The following IMMT variants were observed in gnomAD, a reference collection of about 807,000 sequenced individuals.
The protein encoded by IMMT is MICOS complex subunit MIC60.
In IMMT, 40 loss-of-function variants were observed where a neutral mutation model predicts 92.7. The observed-to-expected ratio is 0.43, with a 90% CI of 0.34 to 0.56. The LOEUF is 0.56. IMMT is among the 20% of genes least tolerant of loss of function. IMMT has a pLI of 0.03. For missense variants in IMMT, 831 were observed against 912.1 expected, an observed-to-expected ratio of 0.91 and a Z score of 1.14; for synonymous variants, 322 against 336.1, an observed-to-expected ratio of 0.96 and a Z score of 0.46.
At chr2:86,163,995 G>A (rs1435549063) in intron 7 of IMMT, among the ~76,000 whole-genome samples, 1 of 137,852 alleles carries the variant, frequency 7.3e-6, no homozygotes, top group Non-Finnish European at 1.6e-5. Context: ...ATTTTGCAAA[G>A]TATATCTTAT....
intron 12 of IMMT, among the ~76,000 whole-genome samples, chr2:86,148,388 C>T (rs1286457384): frequency 2.6e-5 from 4 of 151,792 alleles, no homozygotes; most frequent in African/African-American, 9.7e-5. Context: ...GCAGGTGGCT[C>T]ATGAGGTCAG....
rs765358502 is a variant in IMMT, at chr2:86,144,387, C to G, written c.2158G>C (p.Val720Leu). Residue 720 changes from valine to leucine, a missense_variant, in exon 15 of 15, where the codon GTG becomes CTG. Transcript: ENST00000410111. The stretch of plus-strand genomic sequence containing the variant: ...GCTTCCTTCAGCCAGTCCTGTGCCA[C>G]TCGTCTGGATTCCCCCTTCAGCTGA... ...VNQLKGESRR[V>L]AQDWLKEARM... 1 of 1,613,898 alleles carries G rather than the reference C, an allele frequency of 6.2e-7. No individual in the cohort carries two copies. The highest frequency in any genetic ancestry group is 8.5e-7 in the Non-Finnish European group (1 of 1,179,910).
intron 13 of IMMT, among the ~76,000 whole-genome samples, chr2:86,146,847 A>G (rs1573871924): frequency 6.6e-6 from 1 of 150,484 alleles, no homozygotes; most frequent in East Asian, 2.0e-4. Context: ...TGCAACCTCC[A>G]CCTCCCAGAT....
intron 3 of IMMT, among the ~76,000 whole-genome samples, chr2:86,177,248 CTT>C (rs5832672): frequency 0.032 from 4,684 of 147,232 alleles, 208 homozygotes; most frequent in African/African-American, 0.1. Flanking sequence ...CTTTTACAGA[CTT>C]TTTTTTTTTT....
chr2:86,165,952 A>G (rs1474576758), intron 7 of IMMT, among the ~76,000 whole-genome samples: 1 of 152,242 alleles, frequency 6.6e-6, no homozygotes, highest in Non-Finnish European at 1.5e-5. Context: ...CTTGCGCTGC[A>G]TCGGTGTTGT....
intron 4 of IMMT, chr2:86,171,553 G>A (rs570524523): frequency 1.2e-4 from 63 of 525,502 alleles, no homozygotes; most frequent in East Asian, 1.0e-3. Context: ...GGTTGGGAAC[G>A]AACAAAAGAA....
intron 11 of IMMT, among the ~76,000 whole-genome samples, chr2:86,152,203 G>C (rs1445294915): frequency 6.6e-6 from 1 of 152,056 alleles, no homozygotes; most frequent in African/African-American, 2.4e-5. Context: ...CACTTTGGGA[G>C]GCCAAGGCAG....
chr2:86,164,107 G>A (rs1676498277), intron 7 of IMMT, among the ~76,000 whole-genome samples: 1 of 127,082 alleles, frequency 7.9e-6, no homozygotes, highest in Non-Finnish European at 1.6e-5. Flanking sequence ...GCCCAGGCTG[G>A]AGTGCAATGG....
Position 86,194,757 on chromosome 2 carries a change from TC to T in IMMT, c.45+580del, listed in dbSNP as rs577157589. Reference sequence around the variant, plus strand: ...GCCACAAGGTCATGACTCCTGTCTTTCCTTGAAGACCAGGAGTTTCAGCTCC... The same window carrying T: ...GCCACAAGGTCATGACTCCTGTCTTTCTTGAAGACCAGGAGTTTCAGCTCC... On this transcript the variant is annotated intron_variant, in intron 1 of 14. Transcript: ENST00000410111. Among the ~76,000 whole-genome samples the T allele has an allele frequency of 1.2e-3, 181 of 152,326 alleles. 1 individual carries two copies. The highest frequency in any genetic ancestry group is 3.4e-3 in the Middle Eastern group (1 of 294).
chr2:86,168,540 T>C lies in IMMT; in HGVS notation c.656-1896A>G, dbSNP rs192638870. Among the ~76,000 whole-genome samples the C allele has an allele frequency of 1.3e-3, 203 of 152,252 alleles. 3 individuals are homozygous for C. The highest frequency in any genetic ancestry group is 5.1e-4 in the Non-Finnish European group (35 of 68,010). ...CAGGAGGCTGAGGCAGGAAAATCGCTTGAACCTGGGAGTTGGAGGTTGTAG... is the reference window on the plus strand; with the variant it reads ...CAGGAGGCTGAGGCAGGAAAATCGCCTGAACCTGGGAGTTGGAGGTTGTAG... On this transcript the variant is annotated intron_variant, in intron 6 of 14. Coordinates refer to ENST00000410111, the MANE Select transcript of IMMT (RefSeq NM_006839.3).
chr2:86,170,764 G>A lies in IMMT; in HGVS notation c.640C>T (p.Gln214Ter). 6.3e-7 allele frequency: 1 copy of A among 1,579,480 alleles called. No individual in the cohort carries two copies. Among genetic ancestry groups the A allele is most frequent in the Non-Finnish European group, 8.6e-7 (1 of 1,160,636 alleles). ...GTTTACATACACTCAATTTTAACTT[G>A]TTCTTGTTTTTCCTGTTGTGCAAGG... ...ARLAQQEKQE[Q>*]VKIESLAKSL... The change falls in exon 6 of 15, where the codon CAA becomes TAA. Residue 214 changes from glutamine (Q) to a stop codon, truncating the protein, a stop_gained. Transcript: ENST00000410111. LOFTEE classifies it high-confidence loss of function.
intron 11 of IMMT, among the ~76,000 whole-genome samples, chr2:86,153,066 T>A (rs1407638913): frequency 1.3e-5 from 2 of 152,128 alleles, no homozygotes; most frequent in Non-Finnish European, 2.9e-5. Flanking sequence ...TTACTAAGTT[T>A]TAGGTGTGAT....
chr2:86,150,304 G>A (rs149862967), intron 12 of IMMT, among the ~76,000 whole-genome samples: 5 of 152,238 alleles, frequency 3.3e-5, no homozygotes, highest in Admixed American at 1.3e-4. Context: ...TCCAAGTCAC[G>A]GGACTCAACA....
chr2:86,194,666 C>T (rs548485770), intron 1 of IMMT, among the ~76,000 whole-genome samples: 57 of 152,160 alleles, frequency 3.7e-4, no homozygotes, highest in Non-Finnish European at 6.9e-4. Context: ...GGTATTTAGG[C>T]TCCTTGAATG....
At chr2:86,167,973 CAG>C (rs1676835301) in intron 6 of IMMT, among the ~76,000 whole-genome samples, 1 of 151,998 alleles carries the variant, frequency 6.6e-6, no homozygotes, top group Non-Finnish European at 1.5e-5. Flanking sequence ...ACAATCGTAA[CAG>C]GGAAAAAGAG....
At chr2:86,148,239 T>C (rs1047922611) in intron 12 of IMMT, among the ~76,000 whole-genome samples, 4 of 152,244 alleles carry the variant, frequency 2.6e-5, no homozygotes, top group African/African-American at 9.6e-5. Context: ...CTGTGTGACC[T>C]TGGGGAAATG....
chr2:86,168,077 G>C (rs1676841345), intron 6 of IMMT, among the ~76,000 whole-genome samples: 1 of 152,020 alleles, frequency 6.6e-6, no homozygotes, highest in African/African-American at 2.4e-5. Context: ...GAAAGAAAAA[G>C]ACAAATAAGA....
chr2:86,171,957 ATATT>A (rs1369392933), intron 4 of IMMT, among the ~76,000 whole-genome samples: 25 of 133,522 alleles, frequency 1.9e-4, no homozygotes, highest in East Asian at 6.5e-4. Flanking sequence ...TGTGTGTAGT[ATATT>A]TTTTTTTTTT....
chr2:86,170,294 C>T (rs568384946), intron 6 of IMMT, among the ~76,000 whole-genome samples: 3 of 152,210 alleles, frequency 2.0e-5, no homozygotes, highest in African/African-American at 4.8e-5. Context: ...TGGTACACGC[C>T]TGTAGTCCCA....
Sources: allele counts gnomAD v4.1 joint callset (sites outside exome capture counted in the v4.1 genomes callset), GRCh38; gene constraint gnomAD v4.1.1; transcripts MANE v1.5; gene names NCBI Gene and HGNC (gene_info 2026-07-23, HGNC 2026-07-21).